The following ROS1 variants were observed in gnomAD, a reference collection of about 807,000 sequenced individuals.
The protein encoded by ROS1 is ROS proto-oncogene 1, receptor tyrosine kinase.
A neutral mutation model predicts 273.5 loss-of-function variants in ROS1; 263 were observed. The observed-to-expected ratio is 0.96, with a 90% CI of 0.87 to 1.06. ROS1 has a LOEUF of 1.06. ROS1 is among the 50% of genes least tolerant of loss of function. ROS1 has a pLI of 0.00. For missense variants in ROS1, 2,833 were observed against 2,751.1 expected (o/e 1.03, Z -0.67); for synonymous variants, 1,008 against 954.1 (o/e 1.06, Z -1.04).
chr6:117,402,243 G>GCTCCTTGATCA (rs1774007880), intron 7 of ROS1, among the ~76,000 whole-genome samples: 1 of 152,098 alleles, frequency 6.6e-6, no homozygotes, highest in Non-Finnish European at 1.5e-5. Context: ...TCAGCCACGT[G>GCTCCTTGATCA]GGCCTTCTAG....
Position 117,362,622 on chromosome 6 carries a change from C to G in ROS1, c.3347G>C (p.Arg1116Thr), listed in dbSNP as rs150397191. Residue 1116 changes from arginine to threonine, a missense_variant, in exon 22 of 44, where the codon AGA (arginine) becomes ACA (threonine). Coordinates refer to ENST00000368507, the MANE Select transcript of ROS1 (RefSeq NM_001378902.1). ...TCATACCTGGAAGGCAATAAAGCAT[C>G]TGGGACTCATGCCTTCAAGTTGAAA... ...MSFQLEGMSP[R>T]CFIAFQVRAF... is the part of the protein sequence containing the mutation. 7.1e-5 allele frequency: 114 copies of G among 1,613,302 alleles called. No homozygotes were observed. The highest frequency in any genetic ancestry group is 8.6e-5 in the Non-Finnish European group (101 of 1,179,612).
chr6:117,381,169 A>G (rs1772098151), intron 17 of ROS1, among the ~76,000 whole-genome samples: 1 of 148,334 alleles, frequency 6.7e-6, no homozygotes, highest in Non-Finnish European at 1.5e-5. Flanking sequence ...CTGGGAGAGG[A>G]TTTGCAGAGG....
intron 24 of ROS1, among the ~76,000 whole-genome samples, chr6:117,359,302 T>C (rs1370725553): frequency 6.6e-6 from 1 of 152,238 alleles, no homozygotes; most frequent in Non-Finnish European, 1.5e-5. Flanking sequence ...AGTGAATGCC[T>C]ACCACATGCC....
At chr6:117,399,516 C>T (rs977887926) in intron 7 of ROS1, among the ~76,000 whole-genome samples, 2 of 152,156 alleles carry the variant, frequency 1.3e-5, no homozygotes, top group African/African-American at 2.4e-5. Flanking sequence ...ATCAGCTGCT[C>T]GGCTCTGCTT....
intron 33 of ROS1, among the ~76,000 whole-genome samples, chr6:117,326,877 A>T (rs1776680608): frequency 6.6e-6 from 1 of 152,252 alleles, no homozygotes; most frequent in Admixed American, 6.5e-5. Flanking sequence ...TACCAAAGTT[A>T]TCATTATATC....
chr6:117,396,367 G>T, intron 8 of ROS1, 103 bp from the exon 9 acceptor site: 1 of 808,664 alleles, frequency 1.2e-6, no homozygotes, highest in Non-Finnish European at 2.1e-6. Context: ...GGGTGATGTG[G>T]CAATGCATGA....
intron 40 of ROS1, 91 bp from the exon 41 acceptor site, chr6:117,310,372 G>A (rs1775447260): frequency 2.2e-6 from 2 of 918,324 alleles, no homozygotes. Context: ...CTGTAAAGAA[G>A]AGAAACTATT....
Position 117,324,349 on chromosome 6 carries a change from G to A in ROS1, c.5606C>T (p.Thr1869Ile), listed in dbSNP as rs1338433823. Residue 1869 changes from threonine (T) to isoleucine (I), a missense_variant, in exon 35 of 44, where the codon ACA becomes ATA. Thr to Ile is a moderately conservative substitution (Grantham distance 89). Coordinates refer to ENST00000368507, the MANE Select transcript of ROS1 (RefSeq NM_001378902.1). The stretch of plus-strand genomic sequence containing the variant: ...ATACTTACCAAAGGTCAGTGGGATT[G>A]TAACAACCAGAAATATTCCAACTAT... ...TIIVGIFLVVTIPLTFVWHRR... is the reference protein window; with the variant it reads ...TIIVGIFLVVIIPLTFVWHRR... 1.3e-6 allele frequency: 2 copies of A among 1,521,136 alleles called. No homozygotes were observed. Among genetic ancestry groups the A allele is most frequent in the South Asian group, 1.2e-5 (1 of 86,038 alleles). The allele number at this position is 1,521,136 out of a possible 1,614,324, so 94.2% of individuals were successfully genotyped here. A position where few individuals can be genotyped will look rare whatever the true frequency, so the allele number is the denominator to read the frequency against.
At chr6:117,356,459 A>G (rs1436484968) in intron 26 of ROS1, among the ~76,000 whole-genome samples, 170 bp downstream of exon 26, 1 of 152,232 alleles carries the variant, frequency 6.6e-6, no homozygotes, top group Non-Finnish European at 1.5e-5. Context: ...ATGCCTACAT[A>G]CAATTTTCCT....
At chr6:117,347,088 A>G (rs1363773124) in intron 27 of ROS1, among the ~76,000 whole-genome samples, 2 of 152,152 alleles carry the variant, frequency 1.3e-5, no homozygotes, top group Admixed American at 6.6e-5. Flanking sequence ...TCAGTTTGTT[A>G]ATATCTACAA....
intron 10 of ROS1, 72 bp downstream of exon 10, chr6:117,394,544 T>C: frequency 7.5e-7 from 1 of 1,328,624 alleles, no homozygotes; most frequent in Non-Finnish European, 9.9e-7. Flanking sequence ...AAAAATTTTC[T>C]TTTATTCTAG....
intron 39 of ROS1, among the ~76,000 whole-genome samples, chr6:117,312,128 G>T (rs937405739): frequency 3.3e-5 from 5 of 152,018 alleles, no homozygotes; most frequent in Non-Finnish European, 7.4e-5. Flanking sequence ...CCGTTACACT[G>T]GTCCGATTGC....
intron 1 of ROS1, among the ~76,000 whole-genome samples, chr6:117,418,758 AG>A (rs1287586132): frequency 1.3e-5 from 2 of 152,218 alleles, no homozygotes; most frequent in African/African-American, 4.8e-5. Context: ...GGCTATAGGG[AG>A]AGAGTCTCAT....
intron 43 of ROS1, among the ~76,000 whole-genome samples, chr6:117,290,823 C>G (rs1490390490): frequency 1.3e-5 from 2 of 152,138 alleles, no homozygotes; most frequent in Non-Finnish European, 2.9e-5. Flanking sequence ...TTTCTAAGCA[C>G]CCCCACTTCT....
chr6:117,387,100 A>G (rs1772646076), intron 14 of ROS1, 101 bp from the exon 15 acceptor site: 1 of 527,776 alleles, frequency 1.9e-6, no homozygotes, highest in Admixed American at 3.1e-5. Context: ...ATGATTTTCT[A>G]TATAAAGTAA....
chr6:117,385,672 C>CT lies in ROS1; in HGVS notation c.2289+10dup. On this transcript the variant is annotated intron_variant, in intron 16 of 43. Transcript: ENST00000368507. ...ATTCTAGAGCATCCAGAATGCCATG[C>CT]TTTAACTCACCACATATGTCTTTCC... 1 of 1,613,488 alleles carries CT rather than the reference C, an allele frequency of 6.2e-7. No individual in the cohort carries two copies. Among genetic ancestry groups the CT allele is most frequent in the Non-Finnish European group, 8.5e-7 (1 of 1,179,752 alleles).
In ROS1 at chr6:117,366,302, T is replaced by G. The variant is rs377390184; in HGVS notation, c.2583-12A>C. On this transcript the variant is annotated splice_polypyrimidine_tract_variant and intron_variant, in intron 18 of 43. Coordinates refer to ENST00000368507, the MANE Select transcript of ROS1 (RefSeq NM_001378902.1). The stretch of plus-strand genomic sequence containing the variant: ...TGGTATCCCCAGTGCTGCTAAAACA[T>G]AACACCAATTAGTGTGTGTTTCTGG... The G allele has an allele frequency of 1.3e-6, 2 of 1,599,736 alleles. No homozygotes were observed. The highest frequency in any genetic ancestry group is 3.3e-5 in the Admixed American group (2 of 59,996).
intron 32 of ROS1, among the ~76,000 whole-genome samples, chr6:117,334,234 TC>T (rs1200035675): frequency 1.3e-5 from 2 of 152,036 alleles, no homozygotes; most frequent in Admixed American, 6.6e-5. Flanking sequence ...ATGAATGAAC[TC>T]CCATTCACAA....
At chr6:117,408,396 G>A (rs1298482925) in intron 5 of ROS1, among the ~76,000 whole-genome samples, 1 of 152,136 alleles carries the variant, frequency 6.6e-6, no homozygotes, top group Non-Finnish European at 1.5e-5. Flanking sequence ...ATCAAAAAGT[G>A]GGCGAAGGAT....
Sources: allele counts gnomAD v4.1 joint callset (sites outside exome capture counted in the v4.1 genomes callset), GRCh38; gene constraint gnomAD v4.1.1; transcripts MANE v1.5; gene names NCBI Gene and HGNC (gene_info 2026-07-23, HGNC 2026-07-21).